The following LRRC3B variants were observed in gnomAD, a reference collection of about 807,000 sequenced individuals.
LRRC3B encodes the protein leucine rich repeat containing 3B, also known as leucine-rich repeat-containing protein 3B.
Under a neutral mutation model 12.8 loss-of-function variants are expected in LRRC3B, and 2 were observed. The observed-to-expected ratio is 0.16, with a 90% CI of 0.06 to 0.49. LRRC3B has a LOEUF of 0.49. Ranked by LOEUF, LRRC3B falls within the 20% of genes least tolerant of loss-of-function variation. LRRC3B has a pLI of 0.96. For missense variants in LRRC3B, 189 were observed against 319.4 expected (o/e 0.59, Z 3.11); for synonymous variants, 132 against 122.0 (o/e 1.08, Z -0.54).
intron 1 of LRRC3B, among the ~76,000 whole-genome samples, chr3:26,646,330 T>C (rs1262876392): frequency 6.6e-6 from 1 of 152,150 alleles, no homozygotes; most frequent in African/African-American, 2.4e-5. Context: ...CAATTTGAAT[T>C]CATGTAAAAG....
intron 1 of LRRC3B, among the ~76,000 whole-genome samples, chr3:26,638,275 TGTA>T (rs2125405853): frequency 6.6e-6 from 1 of 152,256 alleles, no homozygotes; most frequent in African/African-American, 2.4e-5. Flanking sequence ...TTTCAGGATT[TGTA>T]GAAAACATAT....
intron 1 of LRRC3B, among the ~76,000 whole-genome samples, chr3:26,687,453 G>A (rs1237872719): frequency 6.6e-6 from 1 of 152,164 alleles, no homozygotes; most frequent in African/African-American, 2.4e-5. Flanking sequence ...TTCCAAATAT[G>A]AGTTTGTTTA....
intron 1 of LRRC3B, among the ~76,000 whole-genome samples, chr3:26,642,801 G>A (rs1373837709): frequency 2.0e-5 from 3 of 152,246 alleles, no homozygotes; most frequent in African/African-American, 7.2e-5. Flanking sequence ...GGCAGATCAC[G>A]AAGTCAGGAG....
chr3:26,631,902 T>C (rs577391814), intron 1 of LRRC3B, among the ~76,000 whole-genome samples: 3 of 151,390 alleles, frequency 2.0e-5, no homozygotes, highest in Non-Finnish European at 2.9e-5. Flanking sequence ...TATGGGTTTA[T>C]AATGTCAAGG....
At chr3:26,694,701 G>A (rs1440361575) in intron 1 of LRRC3B, 1 of 152,010 alleles carries the variant, frequency 6.6e-6, no homozygotes, top group Non-Finnish European at 1.5e-5. Flanking sequence ...TCTAGCTTCA[G>A]GTTCTGGATG....
intron 1 of LRRC3B, among the ~76,000 whole-genome samples, chr3:26,681,730 G>C (rs1234772154): frequency 6.6e-6 from 1 of 152,116 alleles, no homozygotes; most frequent in Non-Finnish European, 1.5e-5. Flanking sequence ...GTCAATCACT[G>C]TCAGGCACTA....
chr3:26,694,982 C>T (rs536193561), intron 1 of LRRC3B, among the ~76,000 whole-genome samples: 2 of 152,130 alleles, frequency 1.3e-5, no homozygotes, highest in South Asian at 4.2e-4. Context: ...AGAACCGTCC[C>T]CTAAAGGTAA....
intron 1 of LRRC3B, among the ~76,000 whole-genome samples, chr3:26,629,632 G>A (rs922292328): frequency 6.6e-6 from 1 of 152,212 alleles, no homozygotes; most frequent in Non-Finnish European, 1.5e-5. Flanking sequence ...GGATTATTAA[G>A]TGGAATACTT....
chr3:26,634,543 T>C (rs1354600055), intron 1 of LRRC3B, among the ~76,000 whole-genome samples: 1 of 152,178 alleles, frequency 6.6e-6, no homozygotes, highest in Non-Finnish European at 1.5e-5. Flanking sequence ...CTGCATGGAT[T>C]CAGGGTGACA....
chr3:26,635,199 C>T (rs573379998), intron 1 of LRRC3B, among the ~76,000 whole-genome samples: 1 of 152,250 alleles, frequency 6.6e-6, no homozygotes, highest in South Asian at 2.1e-4. Flanking sequence ...TCTATAGCTC[C>T]CATTTCCTGC....
At chr3:26,703,482 T>A (rs1274226670) in intron 1 of LRRC3B, among the ~76,000 whole-genome samples, 1 of 152,008 alleles carries the variant, frequency 6.6e-6, no homozygotes, top group African/African-American at 2.4e-5. Context: ...AAGGAAGACT[T>A]CAGGAGAGTT....
rs1211149060 is a variant in LRRC3B, at chr3:26,691,055, GTACA to G, written c.-160-18451_-160-18448del. On this transcript the variant is annotated intron_variant, in intron 1 of 1. Transcript: ENST00000396641. Reference sequence around the variant, plus strand: ...TATATGTGTGTATATATGTATATATGTACATACATATATATATGTATATGTGTGT... The same window carrying G: ...TATATGTGTGTATATATGTATATATGTACATATATATATGTATATGTGTGT... 5.0e-5 allele frequency among the ~76,000 whole-genome samples: 6 copies of G among 119,696 alleles called. No homozygotes were observed. In the East Asian group the frequency reaches 1.5e-3, roughly 29 times the overall value. 78.5% of individuals were successfully genotyped at this position (119,696 alleles called of 152,430 possible).
intron 1 of LRRC3B, among the ~76,000 whole-genome samples, chr3:26,652,702 C>CTT (rs201300376): frequency 1.3e-5 from 2 of 151,366 alleles, no homozygotes; most frequent in Non-Finnish European, 2.9e-5. Context: ...CTTTATTTTT[C>CTT]TTTTTTTTAA....
At chr3:26,686,670 T>C (rs1340510446) in intron 1 of LRRC3B, among the ~76,000 whole-genome samples, 4 of 152,200 alleles carry the variant, frequency 2.6e-5, no homozygotes, top group African/African-American at 9.7e-5. Context: ...CTATTAACTG[T>C]TGCATGTTGA....
intron 1 of LRRC3B, among the ~76,000 whole-genome samples, chr3:26,668,653 T>C (rs944945105): frequency 6.6e-6 from 1 of 150,816 alleles, no homozygotes; most frequent in African/African-American, 2.5e-5. Context: ...TTTTGTTAAC[T>C]TTTTTGCTTT....
intron 1 of LRRC3B, among the ~76,000 whole-genome samples, chr3:26,636,956 TTCTTTCTTTCTTTCTTTC>T (rs1460518908): frequency 7.9e-6 from 1 of 125,834 alleles, no homozygotes; most frequent in East Asian, 3.7e-4. Flanking sequence ...CTTTCTTTCT[TTCTTTCTTTCTTTCTTTC>T]TCTCTCTCTC....
chr3:26,650,824 C>T (rs188042813), intron 1 of LRRC3B, among the ~76,000 whole-genome samples: 1 of 152,244 alleles, frequency 6.6e-6, no homozygotes, highest in African/African-American at 2.4e-5. Flanking sequence ...GTTATCTACT[C>T]GACGGTAAGT....
chr3:26,628,090 G>A (rs1319280950), intron 1 of LRRC3B, among the ~76,000 whole-genome samples: 2 of 152,110 alleles, frequency 1.3e-5, no homozygotes, highest in Non-Finnish European at 2.9e-5. Context: ...GCTAGGTGGT[G>A]CAATATCAAA....
intron 1 of LRRC3B, among the ~76,000 whole-genome samples, chr3:26,647,644 C>G (rs1699180698): frequency 6.6e-6 from 1 of 152,166 alleles, no homozygotes; most frequent in African/African-American, 2.4e-5. Context: ...ATGCATCACT[C>G]TAAAGATACG....
Sources: allele counts gnomAD v4.1 joint callset (sites outside exome capture counted in the v4.1 genomes callset), GRCh38; gene constraint gnomAD v4.1.1; transcripts MANE v1.5; gene names NCBI Gene and HGNC (gene_info 2026-07-23, HGNC 2026-07-21).